Variants in KIF1C observed in about 807,000 individuals in gnomAD.
The protein encoded by KIF1C is kinesin-like protein KIF1C.
KIF1C carries 61 observed loss-of-function variants against 126.5 expected under a neutral mutation model. The ratio of observed to expected loss-of-function variants is 0.48; its 90% confidence interval spans 0.39 to 0.60. KIF1C has a LOEUF of 0.60. KIF1C is among the 20% of genes least tolerant of loss of function. The pLI is 0.00. For missense variants in KIF1C, 1,315 were observed against 1,489.2 expected, an observed-to-expected ratio of 0.88 and a Z score of 1.93; for synonymous variants, 640 against 580.6, an observed-to-expected ratio of 1.10 and a Z score of -1.47.
At chr17:5,006,267 T>C (rs1010352915) in intron 13 of KIF1C, among the ~76,000 whole-genome samples, 1 of 151,866 alleles carries the variant, frequency 6.6e-6, no homozygotes, top group Non-Finnish European at 1.5e-5. Flanking sequence ...ACTCCTGACC[T>C]AAGGTGATGC....
chr17:5,017,161 T>C (rs764463362), intron 18 of KIF1C, among the ~76,000 whole-genome samples: 12 of 152,020 alleles, frequency 7.9e-5, no homozygotes, highest in Non-Finnish European at 1.6e-4. Flanking sequence ...AGCCAGCCCA[T>C]GGGCAAGGAG....
chr17:5,005,324 G>GTGAC (rs1181351603), intron 13 of KIF1C, among the ~76,000 whole-genome samples: 1 of 152,248 alleles, frequency 6.6e-6, no homozygotes, highest in African/African-American at 2.4e-5. Flanking sequence ...AGGCTACTGG[G>GTGAC]TGACTTTCTT....
chr17:5,003,498 C>T (rs565002517), intron 8 of KIF1C, 114 bp from the exon 9 acceptor site: 3 of 683,678 alleles, frequency 4.4e-6, no homozygotes, highest in African/African-American at 3.6e-5. Flanking sequence ...CTCGCCTCCT[C>T]CTGGCTCTCT....
rs566944147 is a variant in KIF1C, at chr17:5,027,585, T to G, written c.*3434T>G. On this transcript the variant is annotated 3_prime_UTR_variant, in exon 23 of 23. Coordinates refer to ENST00000320785, the MANE Select transcript of KIF1C (RefSeq NM_006612.6). ...CCTGAAGACTGAGGTTGGTTTAGAT[T>G]AATGAGTTGCCCAAATTCAGACAGT... 7.2e-5 allele frequency: 11 copies of G among 152,244 alleles called. No individual in the cohort carries two copies. In the East Asian group the frequency reaches 2.1e-3, roughly 29 times the overall value. 9.4% of individuals were successfully genotyped at this position (152,244 alleles called of 1,614,324 possible).
At chr17:5,001,509 G>A in intron 5 of KIF1C, 108 bp downstream of exon 5, 1 of 1,116,722 alleles carries the variant, frequency 9.0e-7, no homozygotes, top group Non-Finnish European at 1.3e-6. Context: ...CTGGCTCTGA[G>A]GCCATTGGTG....
At position 4,997,964 on chromosome 17, in the gene KIF1C, G is replaced by C. The variant is rs1196681009; in HGVS notation, c.-341G>C. 2.0e-5 allele frequency: 3 copies of C among 147,894 alleles called. No homozygotes were observed. Among genetic ancestry groups the C allele is most frequent in the Non-Finnish European group, 3.0e-5 (2 of 66,454 alleles). 9.2% of individuals were successfully genotyped at this position (147,894 alleles called of 1,614,324 possible). The stretch of plus-strand genomic sequence containing the variant: ...GCTCCCGCCCCAGCTCGCGCTGCCC[G>C]GGCGGGCGCCGGCCGCTGGCGCCGC... On this transcript the variant is annotated 5_prime_UTR_variant, in exon 1 of 23. Coordinates refer to ENST00000320785, the MANE Select transcript of KIF1C (RefSeq NM_006612.6).
chr17:5,006,642 A>G (rs1197981365), intron 13 of KIF1C, among the ~76,000 whole-genome samples: 1 of 152,144 alleles, frequency 6.6e-6, no homozygotes, highest in East Asian at 1.9e-4. Flanking sequence ...AGCCCCACCT[A>G]AGAATTTTCT....
At position 5,004,578 on chromosome 17, in the gene KIF1C, C is replaced by T. The variant is rs138321138; in HGVS notation, c.952C>T (p.Arg318Cys). The T allele has an allele frequency of 5.6e-6, 9 of 1,614,010 alleles. No individual in the cohort carries two copies. The highest frequency in any genetic ancestry group is 5.1e-6 in the Non-Finnish European group (6 of 1,179,998). Reference protein sequence around the residue: ...LLKENLGGNSRTAMIAALSPA... With the variant: ...LLKENLGGNSCTAMIAALSPA... ...CACTCCATTCACAGGGGGGAACTCA[C>T]GCACAGCCATGATTGCAGCCCTGAG... is the stretch of plus-strand genomic sequence containing the variant. Residue 318 changes from arginine (R) to cysteine (C), a missense_variant, in exon 12 of 23, where the codon CGC (arginine) becomes TGC (cysteine). Physicochemically the swap from Arg to Cys is radical, Grantham distance 180. Around this residue, in one of 2 missense-constraint regions of KIF1C, gnomAD observed 874 missense variants for 1,053.2 expected, o/e 0.83. Transcript: ENST00000320785.
intron 21 of KIF1C, 119 bp from the exon 22 acceptor site, chr17:5,021,973 G>C (rs1182721433): frequency 1.7e-6 from 2 of 1,145,468 alleles, no homozygotes; most frequent in African/African-American, 3.1e-5. Context: ...GGTGGAGCAG[G>C]ACTTGAACCC....
intron 16 of KIF1C, among the ~76,000 whole-genome samples, chr17:5,012,832 C>G (rs1432698255): frequency 6.6e-6 from 1 of 152,138 alleles, no homozygotes; most frequent in Non-Finnish European, 1.5e-5. Context: ...TACTGCCCAG[C>G]AAGGGCAGGG....
intron 8 of KIF1C, among the ~76,000 whole-genome samples, chr17:5,003,071 C>T (rs528042682): frequency 6.9e-6 from 1 of 144,876 alleles, no homozygotes; most frequent in East Asian, 2.2e-4. Context: ...GAGTCTTGCT[C>T]TGTTACCCAG....
At chr17:5,017,126 G>C (rs1227373434) in intron 18 of KIF1C, among the ~76,000 whole-genome samples, 1 of 152,002 alleles carries the variant, frequency 6.6e-6, no homozygotes, top group East Asian at 1.9e-4. Context: ...AAGCCATACA[G>C]GCCACCAAAA....
At position 5,004,739 on chromosome 17, in the gene KIF1C, G is replaced by A. The variant is rs896121794; in HGVS notation, c.1019+94G>A. 3.4e-5 allele frequency: 53 copies of A among 1,582,066 alleles called. No homozygotes were observed. The Middle Eastern group carries it at 1.7e-3, about 50-fold the overall frequency. On this transcript the variant is annotated intron_variant, in intron 12 of 22. Coordinates refer to ENST00000320785, the MANE Select transcript of KIF1C (RefSeq NM_006612.6). ...CTCAGGACCCTGCTCGTGAGACGGG[G>A]GAGATGCCGGAGCCTTGCCACAATA... is the stretch of plus-strand genomic sequence containing the variant.
Position 5,003,832 on chromosome 17 carries a change from A to T in KIF1C, c.799-19A>T, listed in dbSNP as rs370317680. 1.1e-5 allele frequency: 18 copies of T among 1,609,912 alleles called. No individual in the cohort carries two copies. In the Admixed American group the frequency reaches 2.8e-4, roughly 25 times the overall value. On this transcript the variant is annotated intron_variant, in intron 9 of 22. Transcript: ENST00000320785. ...TGGGAGAAGAGGGTCTCATCCCCAC[A>T]TTCCTCATCCTTTTCCAGGAAGGAG...
At position 5,020,754 on chromosome 17, in the gene KIF1C, TTGTCAGATACTCACCAAGG is replaced by T; in HGVS notation, c.1938-50_1938-32del. On this transcript the variant is annotated intron_variant, in intron 20 of 22. Coordinates refer to ENST00000320785, the MANE Select transcript of KIF1C (RefSeq NM_006612.6). This position sits in a 1 kb window ranked among gnomAD's most constrained non-coding sequence, Gnocchi z 5.8. ...GGGCCTCTGGGCCCGTGTCCTCCTC[TTGTCAGATACTCACCAAGG>T]TTGCTCTTCCTTCCCTCCCTGTCCA... 1 of 1,603,566 alleles carries T rather than the reference TTGTCAGATACTCACCAAGG, an allele frequency of 6.2e-7. No homozygotes were observed. Among genetic ancestry groups the T allele is most frequent in the Non-Finnish European group, 8.5e-7 (1 of 1,174,606 alleles).
chr17:5,021,142 A>G (rs890139030), intron 21 of KIF1C, among the ~76,000 whole-genome samples: 1 of 130,018 alleles, frequency 7.7e-6, no homozygotes, highest in Non-Finnish European at 1.6e-5. Context: ...TCCAAGTACC[A>G]CCTGTGTTGG....
In KIF1C at chr17:5,014,825, C is replaced by G; in HGVS notation, c.1654C>G (p.Pro552Ala). 1 of 1,592,982 alleles carries G rather than the reference C, an allele frequency of 6.3e-7. No homozygotes were observed. The highest frequency in any genetic ancestry group is 1.3e-5 in the African/African-American group (1 of 74,836). ...QHCLFRSIPQ[P>A]DGEVVVTLEP... Reference sequence around the variant, plus strand: ...CTGTCTGTTCCGGAGCATCCCCCAGCCAGATGGAGAAGGTAATGGCTGAGG... The same window carrying G: ...CTGTCTGTTCCGGAGCATCCCCCAGGCAGATGGAGAAGGTAATGGCTGAGG... The change falls in exon 18 of 23, where the codon CCA (proline) becomes GCA (alanine). Residue 552 changes from proline to alanine, a missense_variant. By Grantham distance (27) the Pro-to-Ala change is conservative. This residue lies in a region of KIF1C where 874 missense variants were observed against 1,053.2 expected (regional missense o/e 0.83). Coordinates refer to ENST00000320785, the MANE Select transcript of KIF1C (RefSeq NM_006612.6).
At chr17:5,001,513 A>G in intron 5 of KIF1C, 112 bp downstream of exon 5, 2 of 1,076,478 alleles carry the variant, frequency 1.9e-6, no homozygotes, top group East Asian at 2.6e-5. Flanking sequence ...CTCTGAGGCC[A>G]TTGGTGATGG....
At position 5,002,078 on chromosome 17, in the gene KIF1C, C is replaced by G; in HGVS notation, c.383C>G (p.Ser128Cys). The G allele has an allele frequency of 6.2e-7, 1 of 1,614,112 alleles. No individual in the cohort carries two copies. Among genetic ancestry groups the G allele is most frequent in the South Asian group, 1.1e-5 (1 of 91,066 alleles). Residue 128 changes from serine (S) to cysteine (C), a missense_variant, in exon 6 of 23, where the codon TCT becomes TGT. This residue lies in a region of KIF1C where 874 missense variants were observed against 1,053.2 expected (regional missense o/e 0.83). Transcript: ENST00000320785. ...IVPQLCEDLF[S>C]RVSENQSAQL... ...CTCCAGCTCTGTGAGGACCTCTTCT[C>G]TCGCGTTAGTGAGAACCAGAGTGCT...
Sources: allele counts gnomAD v4.1 joint callset (sites outside exome capture counted in the v4.1 genomes callset), GRCh38; gene constraint gnomAD v4.1.1; regional missense constraint gnomAD v4.1.1; non-coding constraint Gnocchi (gnomAD v3.1); transcripts MANE v1.5; gene names NCBI Gene and HGNC (gene_info 2026-07-23, HGNC 2026-07-21).